Variants in MAP4 observed in about 807,000 individuals in gnomAD.
MAP4 encodes the protein microtubule-associated protein 4.
MAP4 carries 76 observed loss-of-function variants against 170.2 expected under a neutral mutation model. The ratio of observed to expected loss-of-function variants is 0.45; its 90% CI spans 0.37 to 0.54. The LOEUF is 0.54. Among genes scored for constraint, MAP4 ranks in the 20% least tolerant of loss-of-function variants. The pLI, the probability that MAP4 is intolerant of heterozygous loss-of-function variation, is 0.00. For missense variants in MAP4, 2,506 were observed against 2,748.0 expected (o/e 0.91, Z 1.97); for synonymous variants, 909 against 994.5 (o/e 0.91, Z 1.62).
intron 3 of MAP4, among the ~76,000 whole-genome samples, chr3:47,947,459 T>C (rs754652316): frequency 2.0e-5 from 3 of 152,112 alleles, no homozygotes; most frequent in Non-Finnish European, 4.4e-5. Flanking sequence ...CTGCCTCATT[T>C]CCTCTTAGTG....
At chr3:48,067,558 T>C (rs1579761976) in intron 1 of MAP4, among the ~76,000 whole-genome samples, 1 of 152,002 alleles carries the variant, frequency 6.6e-6, no homozygotes, top group African/African-American at 2.4e-5. Context: ...ATAGAGGCGG[T>C]CTGGGCATTT....
intron 3 of MAP4, among the ~76,000 whole-genome samples, chr3:47,977,394 CA>C (rs1467993401): frequency 6.6e-6 from 1 of 152,062 alleles, no homozygotes; most frequent in East Asian, 1.9e-4. Context: ...AAGTAAATTT[CA>C]AAAGCAACAG....
intron 10 of MAP4, among the ~76,000 whole-genome samples, chr3:47,897,714 G>A (rs753842040): frequency 4.6e-5 from 7 of 151,806 alleles, no homozygotes; most frequent in African/African-American, 7.3e-5. Flanking sequence ...CGAGGCGGGC[G>A]GATCACAAGG....
At chr3:47,972,081 G>C (rs1401345332) in intron 3 of MAP4, among the ~76,000 whole-genome samples, 2 of 152,190 alleles carry the variant, frequency 1.3e-5, no homozygotes, top group Non-Finnish European at 2.9e-5. Context: ...ATTAAATTAA[G>C]TGTTCTTAAC....
chr3:48,026,481 G>A lies in MAP4; in HGVS notation c.-19-27602C>T, dbSNP rs2100113181. Among the ~76,000 whole-genome samples, 5 of 152,122 alleles carry A rather than the reference G, an allele frequency of 3.3e-5. No individual in the cohort carries two copies. In the South Asian group the frequency reaches 8.3e-4, roughly 25 times the overall value. Reference sequence around the variant, plus strand: ...GCTTTATTCTGAAGATGTAAGAAACGAATATATTTTTACAAAAACACTATA... The same window carrying A: ...GCTTTATTCTGAAGATGTAAGAAACAAATATATTTTTACAAAAACACTATA... On this transcript the variant is annotated intron_variant, in intron 1 of 18. Transcript: ENST00000360240.
chr3:47,869,224 G>T lies in MAP4; in HGVS notation c.6398C>A (p.Pro2133His). The T allele has an allele frequency of 6.2e-7, 1 of 1,611,530 alleles. No homozygotes were observed. The highest frequency in any genetic ancestry group is 8.5e-7 in the Non-Finnish European group (1 of 1,177,616). ...AGPIASAQKQ[P>H]AGKVQIVSKK... Reference sequence around the variant, plus strand: ...CTAAATAAAACTCACTTTCCCCGCAGGTTGTTTCTGTGCACTTGCAATTGG... The same window carrying T: ...CTAAATAAAACTCACTTTCCCCGCATGTTGTTTCTGTGCACTTGCAATTGG... The change falls in exon 16 of 21, where the codon CCT becomes CAT. Residue 2133 changes from proline (P) to histidine (H), a missense_variant. Around this residue, in one of 3 missense-constraint regions of MAP4, gnomAD observed 487 missense variants for 511.6 expected, o/e 0.95. Transcript: ENST00000683076.
chr3:47,931,056 A>AACTCCT, intron 3 of MAP4, among the ~76,000 whole-genome samples: 1 of 152,230 alleles, frequency 6.6e-6, no homozygotes, highest in East Asian at 1.9e-4. Flanking sequence ...AACTACAATG[A>AACTCCT]ACTCCTACTA....
Position 47,909,084 on chromosome 3 carries a change from C to CT in MAP4, c.5336dup (p.Ser1780ValfsTer10), listed in dbSNP as rs1447577251. 1 of 1,613,872 alleles carries CT rather than the reference C, an allele frequency of 6.2e-7. No homozygotes were observed. The highest frequency in any genetic ancestry group is 1.3e-5 in the African/African-American group (1 of 74,924). ...GTCTCTCTTGTTCCTGGATTGTAGA[C>CT]TTTGGCAAAAGTGGAGTAAGTCCTC... On this transcript the variant is annotated frameshift_variant, in exon 9 of 21. Coordinates refer to ENST00000683076, the MANE Select transcript of MAP4 (RefSeq NM_001385682.1). LOFTEE classifies it high-confidence loss of function.
chr3:47,950,920 T>C (rs2100063312), intron 3 of MAP4, among the ~76,000 whole-genome samples: 1 of 152,210 alleles, frequency 6.6e-6, no homozygotes, highest in South Asian at 2.1e-4. Flanking sequence ...AAGTAGCTTT[T>C]CTATGAACCA....
intron 10 of MAP4, among the ~76,000 whole-genome samples, chr3:47,882,366 CTCTT>C (rs1236583020): frequency 2.0e-5 from 3 of 152,154 alleles, no homozygotes; most frequent in African/African-American, 4.8e-5. Context: ...TATTTGTTCT[CTCTT>C]TTTCTCATTT....
chr3:48,025,951 T>C (rs891844202), intron 1 of MAP4, among the ~76,000 whole-genome samples: 141 of 135,690 alleles, frequency 1.0e-3, no homozygotes, highest in Admixed American at 1.8e-3. Flanking sequence ...ATAATAATAA[T>C]ATGCTGACTT....
chr3:48,004,863 A>G (rs1026410711), intron 1 of MAP4, among the ~76,000 whole-genome samples: 1 of 151,734 alleles, frequency 6.6e-6, no homozygotes, highest in Non-Finnish European at 1.5e-5. Flanking sequence ...CAACCTTTCC[A>G]TCTTTGTCTA....
At chr3:47,856,608 G>A (rs1292289893) in intron 18 of MAP4, among the ~76,000 whole-genome samples, 5 of 152,162 alleles carry the variant, frequency 3.3e-5, no homozygotes, top group Non-Finnish European at 7.4e-5. Context: ...TGTATTTTTA[G>A]TAGAGACAGG....
intron 17 of MAP4, among the ~76,000 whole-genome samples, chr3:47,865,541 G>A (rs1449871091): frequency 1.3e-5 from 2 of 152,164 alleles, no homozygotes; most frequent in African/African-American, 4.8e-5. Flanking sequence ...AAGAATGAAA[G>A]CTCATGGCCG....
Position 47,916,865 on chromosome 3 carries a change from C to G in MAP4, c.962G>C (p.Arg321Thr), listed in dbSNP as rs1314625490. The G allele has an allele frequency of 1.9e-6, 3 of 1,614,206 alleles. No individual in the cohort carries two copies. The highest frequency in any genetic ancestry group is 3.3e-5 in the Admixed American group (2 of 60,030). The change falls in exon 7 of 21, where the codon AGA (arginine) becomes ACA (threonine). Residue 321 changes from arginine to threonine, a missense_variant. By Grantham distance (71) the Arg-to-Thr change is moderately conservative. This residue lies in a region of MAP4 where 2,008 missense variants were observed against 2,206.0 expected (regional missense o/e 0.91). Transcript: ENST00000683076. ...AGATACATCTGTTTCTGTGGGCCAT[C>G]TGACATCCTTAACCAGGGCCACTTC... ...EKEVALVKDVRWPTETDVSSA... is the reference protein window; with the variant it reads ...EKEVALVKDVTWPTETDVSSA...
upstream of MAP4, among the ~76,000 whole-genome samples, chr3:48,018,854 A>C (rs2154472909): frequency 2.6e-5 from 4 of 152,238 alleles, no homozygotes; most frequent in Middle Eastern, 6.8e-3. Flanking sequence ...CACTTTCTAA[A>C]CACAGTTTGT....
At chr3:48,013,439 T>C (rs1371514949) in intron 1 of MAP4, 2 of 152,184 alleles carry the variant, frequency 1.3e-5, no homozygotes, top group African/African-American at 2.4e-5. Flanking sequence ...GAAGTCTGTA[T>C]GCTTTACTGA....
chr3:47,970,814 T>C (rs1332986725), intron 3 of MAP4, among the ~76,000 whole-genome samples: 2 of 152,044 alleles, frequency 1.3e-5, no homozygotes, highest in Non-Finnish European at 2.9e-5. Flanking sequence ...CGAAACTTCG[T>C]CTCAAAAACA....
At position 47,916,955 on chromosome 3, in the gene MAP4, T is replaced by A. The variant is rs762323896; in HGVS notation, c.872A>T (p.Asp291Val). The change falls in exon 7 of 21, where the codon GAC becomes GTC. Residue 291 changes from aspartate (D) to valine (V), a missense_variant. Transcript: ENST00000683076. ...ATCTGATTCCATGGATGGCTGCATG[T>A]CCTTGGCCAGTGTCACATCTAATTT... The part of the protein sequence containing the change: ...PTKLDVTLAK[D>V]MQPSMESDMA... The A allele has an allele frequency of 6.2e-7, 1 of 1,614,252 alleles. No individual in the cohort carries two copies. Among genetic ancestry groups the A allele is most frequent in the Admixed American group, 1.7e-5 (1 of 60,032 alleles).
Sources: gnomAD v4.1 joint callset for allele counts (sites outside exome capture counted in the v4.1 genomes callset) on GRCh38, gnomAD v4.1.1 for gene constraint, gnomAD v4.1.1 regional missense constraint, MANE v1.5 for transcripts, NCBI Gene and HGNC (gene_info 2026-07-23, HGNC 2026-07-21) for gene names.